GNB4: variants seen among roughly 807,000 people sequenced by gnomAD.
GNB4 encodes the protein guanine nucleotide-binding protein subunit beta-4.
GNB4 carries 28 observed loss-of-function variants against 45.2 expected under a neutral mutation model. The ratio of observed to expected loss-of-function variants is 0.62; its 90% CI spans 0.46 to 0.85. GNB4 has a LOEUF of 0.85. Among genes scored for constraint, GNB4 ranks in the 40% least tolerant of loss-of-function variants. The pLI is 0.00. For synonymous variants in GNB4, 132 were observed against 143.7 expected, an observed-to-expected ratio of 0.92 and a Z score of 0.58; for missense variants, 321 against 425.4, an observed-to-expected ratio of 0.75 and a Z score of 2.16.
the GNB4 span, among the ~76,000 whole-genome samples, chr3:179,506,851 C>T: frequency 1.3e-5 from 2 of 152,088 alleles, no homozygotes; most frequent in Non-Finnish European, 2.9e-5. Context: ...TTTCCTTCCC[C>T]TTATCTTACA....
chr3:179,449,112 T>C lies in GNB4; in HGVS notation c.-43+2234A>G, dbSNP rs551632842. 5.8e-4 allele frequency among the ~76,000 whole-genome samples: 88 copies of C among 152,336 alleles called. No homozygotes were observed. The South Asian group carries it at 8.9e-3, about 15-fold the overall frequency. ...CATCAAAATATCCTCTAGTTTAATTTGAGGGATATCAAAGGGTTCTCATAT... is the reference window on the plus strand; with the variant it reads ...CATCAAAATATCCTCTAGTTTAATTCGAGGGATATCAAAGGGTTCTCATAT... On this transcript the variant is annotated intron_variant, in intron 1 of 9. Coordinates refer to ENST00000232564, the MANE Select transcript of GNB4 (RefSeq NM_021629.4).
At chr3:179,481,385 C>G in the GNB4 span, among the ~76,000 whole-genome samples, 16 of 152,252 alleles carry the variant, frequency 1.1e-4, no homozygotes, top group African/African-American at 3.6e-4. Context: ...TCAGAGCTCA[C>G]TTCAGCCTCT....
At chr3:179,403,998 C>T (rs1013660730) in intron 9 of GNB4, among the ~76,000 whole-genome samples, 1 of 151,688 alleles carries the variant, frequency 6.6e-6, no homozygotes, top group Non-Finnish European at 1.5e-5. Context: ...AATGAGTTTC[C>T]GGATCAAAAA....
the GNB4 span, among the ~76,000 whole-genome samples, chr3:179,511,733 G>C: frequency 6.6e-6 from 1 of 151,378 alleles, no homozygotes; most frequent in East Asian, 1.9e-4. Flanking sequence ...GTTTGTGTTT[G>C]TCAAAAAAAA....
At chr3:179,461,488 C>T in the GNB4 span, among the ~76,000 whole-genome samples, 2 of 102,354 alleles carry the variant, frequency 2.0e-5, no homozygotes, top group Non-Finnish European at 3.8e-5. Flanking sequence ...CAGAGCGAGA[C>T]TCCGTCTCAA....
chr3:179,413,364 A>T, intron 8 of GNB4, 48 bp downstream of exon 8: 1 of 1,450,136 alleles, frequency 6.9e-7, no homozygotes, highest in Non-Finnish European at 9.7e-7. Context: ...ATAGAGCTCA[A>T]CACTTTAAAT....
the GNB4 span, among the ~76,000 whole-genome samples, chr3:179,460,187 C>T: frequency 1.3e-5 from 2 of 152,178 alleles, no homozygotes; most frequent in Non-Finnish European, 2.9e-5. Flanking sequence ...CTCCATCTTA[C>T]TTTCTGAGTT....
chr3:179,473,054 T>G, the GNB4 span, among the ~76,000 whole-genome samples: 1 of 152,086 alleles, frequency 6.6e-6, no homozygotes, highest in Non-Finnish European at 1.5e-5. Flanking sequence ...TCCCAGCTAC[T>G]CGGGAGGCTG....
the GNB4 span, among the ~76,000 whole-genome samples, chr3:179,484,769 G>T: frequency 6.6e-6 from 1 of 151,808 alleles, no homozygotes; most frequent in Non-Finnish European, 1.5e-5. Flanking sequence ...TTATAGTACT[G>T]CTGGTCATGA....
intron 8 of GNB4, among the ~76,000 whole-genome samples, chr3:179,409,234 T>C (rs1577026663): frequency 1.3e-5 from 2 of 151,528 alleles, no homozygotes; most frequent in South Asian, 2.1e-4. Flanking sequence ...AAAAAGGCTG[T>C]GCACAGTGGC....
the GNB4 span, among the ~76,000 whole-genome samples, chr3:179,483,297 C>T: frequency 6.6e-6 from 1 of 151,718 alleles, no homozygotes; most frequent in Non-Finnish European, 1.5e-5. Context: ...AAACCCAGGG[C>T]TGAGAAAATT....
At chr3:179,486,354 C>T in the GNB4 span, among the ~76,000 whole-genome samples, 1 of 151,932 alleles carries the variant, frequency 6.6e-6, no homozygotes, top group African/African-American at 2.4e-5. Flanking sequence ...TAATAAATCC[C>T]GTATTATGTG....
the GNB4 span, among the ~76,000 whole-genome samples, chr3:179,487,510 C>A: frequency 2.0e-5 from 3 of 152,236 alleles, no homozygotes; most frequent in African/African-American, 7.2e-5. Context: ...CTCCCTTTTG[C>A]ACTTTAGATC....
the GNB4 span, among the ~76,000 whole-genome samples, chr3:179,507,995 A>G: frequency 1.3e-5 from 2 of 152,194 alleles, no homozygotes; most frequent in Non-Finnish European, 2.9e-5. Flanking sequence ...ACCAATTTTG[A>G]TACTGAGAGG....
chr3:179,522,281 A>C, the GNB4 span, among the ~76,000 whole-genome samples: 2 of 147,440 alleles, frequency 1.4e-5, no homozygotes, highest in Admixed American at 6.6e-5. Flanking sequence ...CACCTTGTGA[A>C]CCCCCGCCCC....
the GNB4 span, among the ~76,000 whole-genome samples, chr3:179,468,634 A>T: frequency 6.6e-6 from 1 of 152,216 alleles, no homozygotes; most frequent in Non-Finnish European, 1.5e-5. Context: ...CACTAACATT[A>T]AAACAGAAAC....
intron 1 of GNB4, among the ~76,000 whole-genome samples, chr3:179,447,252 T>C (rs1031394975): frequency 6.7e-6 from 1 of 149,010 alleles, no homozygotes; most frequent in African/African-American, 2.5e-5. Flanking sequence ...GCAGTGACGA[T>C]GGCGAGGCTG....
chr3:179,426,694 AGTCCT>A (rs1196298823), intron 1 of GNB4, among the ~76,000 whole-genome samples: 1 of 152,094 alleles, frequency 6.6e-6, no homozygotes, highest in African/African-American at 2.4e-5. Context: ...ATGTGGGAGC[AGTCCT>A]GTTTTAATCA....
chr3:179,474,190 A>G, the GNB4 span, among the ~76,000 whole-genome samples: 3 of 152,132 alleles, frequency 2.0e-5, no homozygotes, highest in African/African-American at 7.2e-5. Context: ...CCTTGTCTCT[A>G]AAAGATAAAT....
Sources: gnomAD v4.1 joint callset for allele counts (sites outside exome capture counted in the v4.1 genomes callset) on GRCh38, gnomAD v4.1.1 for gene constraint, MANE v1.5 for transcripts, NCBI Gene and HGNC (gene_info 2026-07-23, HGNC 2026-07-21) for gene names.